Variants in KHDC4 observed in about 807,000 individuals in gnomAD.
KHDC4 encodes the protein KH domain containing 4, pre-mRNA splicing factor.
In KHDC4, 19 loss-of-function variants were observed where a neutral mutation model predicts 74.5. The observed-to-expected ratio is 0.26, with a 90% CI of 0.18 to 0.37. The LOEUF (loss-of-function observed/expected upper bound fraction) is 0.37, where lower values mean the gene tolerates loss of function less well. Ranked by LOEUF, KHDC4 falls within the 10% of genes least tolerant of loss-of-function variation. KHDC4 has a pLI of 1.00. For synonymous variants in KHDC4, 253 were observed against 266.1 expected (o/e 0.95, Z 0.48); for missense variants, 632 against 754.1 (o/e 0.84, Z 1.90).
rs751504873 is a variant in KHDC4 at position 155,916,690 on chromosome 1, C to G, written c.1488G>C (p.Gln496His). 6.2e-7 allele frequency: 1 copy of G among 1,614,042 alleles called. No individual in the cohort carries two copies. Among genetic ancestry groups the G allele is most frequent in the South Asian group, 1.1e-5 (1 of 91,062 alleles). ...TCGATCCTGCACCTTCAATCTCATT[C>G]TGACTGGAGAAGCCTGTACCTAAAT... ...MTNLGTGFSS[Q>H]NEIEGAGSKP... The change falls in exon 12 of 14, where the codon CAG becomes CAC. Residue 496 changes from glutamine to histidine, a missense_variant. Gln to His is a conservative substitution (Grantham distance 24). This residue lies in a region of KHDC4 where 254 missense variants were observed against 267.4 expected (regional missense o/e 0.95). Coordinates refer to ENST00000368321, the MANE Select transcript of KHDC4 (RefSeq NM_014949.4).
At chr1:155,920,103 T>C (rs532399940) in intron 10 of KHDC4, 2 of 347,730 alleles carry the variant, frequency 5.8e-6, no homozygotes, top group African/African-American at 4.4e-5. Context: ...TCCAGATTAT[T>C]ATCCAGACAT....
At chr1:155,916,184 T>C (rs1011700809) in intron 12 of KHDC4, among the ~76,000 whole-genome samples, 1 of 152,144 alleles carries the variant, frequency 6.6e-6, no homozygotes, top group Non-Finnish European at 1.5e-5. Flanking sequence ...TATAGAAAGA[T>C]ATCAGCTCCT....
At chr1:155,933,458 G>T (rs1674186282) in intron 2 of KHDC4, 175 bp downstream of exon 2, 2 of 485,506 alleles carry the variant, frequency 4.1e-6, no homozygotes, top group Non-Finnish European at 7.4e-6. Context: ...ACTAATTTTT[G>T]TATTTTCAGT....
chr1:155,923,517 A>G lies in KHDC4; in HGVS notation c.954+110T>C, dbSNP rs1346810739. On this transcript the variant is annotated intron_variant, in intron 8 of 13. Transcript: ENST00000368321. ...TGTTATTTTAAGCCACCCAACTGCC[A>G]TAACTTGTTATAGCAGTACTAGGAA... 24 of 791,178 alleles carry G rather than the reference A, an allele frequency of 3.0e-5. No individual in the cohort carries two copies. The East Asian group carries it at 5.5e-4, about 18-fold the overall frequency. 49.0% of individuals were successfully genotyped at this position (791,178 alleles called of 1,614,324 possible).
chr1:155,926,790 A>T lies in KHDC4; in HGVS notation c.567T>A (p.Ala189=), dbSNP rs1454497952. 1 of 1,614,192 alleles carries T rather than the reference A, an allele frequency of 6.2e-7. No homozygotes were observed. The highest frequency in any genetic ancestry group is 8.5e-7 in the Non-Finnish European group (1 of 1,180,014). The change falls in exon 6 of 14, where the codon GCT becomes GCA. Residue 189 remains alanine (A), a synonymous_variant. Coordinates refer to ENST00000368321, the MANE Select transcript of KHDC4 (RefSeq NM_014949.4). ...KEIITNGVVK[A]ATGTSPTFNG... is the part of the protein sequence containing the mutation. ...TAAAAGTTGGACTTGTTCCTGTGGCAGCTTTTACCACTCCATTGGTGATAA... is the reference window on the plus strand; with the variant it reads ...TAAAAGTTGGACTTGTTCCTGTGGCTGCTTTTACCACTCCATTGGTGATAA...
At chr1:155,928,391 T>A (rs1674067835) in intron 4 of KHDC4, among the ~76,000 whole-genome samples, 1 of 151,930 alleles carries the variant, frequency 6.6e-6, no homozygotes, top group Non-Finnish European at 1.5e-5. Flanking sequence ...AATAAATAAA[T>A]AAATAAATTC....
In KHDC4 at chr1:155,921,987, A is replaced by G. The variant is rs868294890; in HGVS notation, c.955-69T>C. 4 of 944,626 alleles carry G rather than the reference A, an allele frequency of 4.2e-6. No individual in the cohort carries two copies. In the South Asian group the frequency reaches 5.8e-5, roughly 14 times the overall value. The allele number at this position is 944,626 out of a possible 1,614,324, so 58.5% of individuals were successfully genotyped here. A position where few individuals can be genotyped will look rare whatever the true frequency, so the allele number is the denominator to read the frequency against. ...TGTGCATTTACAAGGGTCTGATTAC[A>G]TAATTCTAGGACCAAAGCCATTAGG... is the stretch of plus-strand genomic sequence containing the variant. On this transcript the variant is annotated intron_variant, in intron 8 of 13. Coordinates refer to ENST00000368321, the MANE Select transcript of KHDC4 (RefSeq NM_014949.4).
Position 155,916,715 on chromosome 1 carries a change from T to C in KHDC4, c.1463A>G (p.Asn488Ser). ...GYQHGPIHMT[N>S]LGTGFSSQNE... ...CTGACTGGAGAAGCCTGTACCTAAA[T>C]TAGTCATATGAATGGGTCCATGCTA... The change falls in exon 12 of 14, where the codon AAT becomes AGT. Residue 488 changes from asparagine to serine, a missense_variant. By Grantham distance (46) the Asn-to-Ser change is conservative. This residue lies in a region of KHDC4 where 254 missense variants were observed against 267.4 expected (regional missense o/e 0.95). Coordinates refer to ENST00000368321, the MANE Select transcript of KHDC4 (RefSeq NM_014949.4). The C allele has an allele frequency of 6.2e-7, 1 of 1,613,682 alleles. No homozygotes were observed. Among genetic ancestry groups the C allele is most frequent in the Non-Finnish European group, 8.5e-7 (1 of 1,179,800 alleles).
intron 10 of KHDC4, among the ~76,000 whole-genome samples, chr1:155,919,411 T>C (rs1315174964): frequency 6.6e-6 from 1 of 152,124 alleles, no homozygotes; most frequent in East Asian, 1.9e-4. Flanking sequence ...CCTGTAATCC[T>C]TGCACCATAA....
At chr1:155,918,673 T>C (rs1284851169) in intron 10 of KHDC4, among the ~76,000 whole-genome samples, 1 of 151,776 alleles carries the variant, frequency 6.6e-6, no homozygotes. Flanking sequence ...TGTATCTAAA[T>C]GTAGAAAAGG....
intron 7 of KHDC4, among the ~76,000 whole-genome samples, chr1:155,924,625 G>C (rs1673943297): frequency 6.7e-6 from 1 of 148,714 alleles, no homozygotes. Context: ...CCAGGCTGGA[G>C]TGCAATGGAG....
chr1:155,933,925 C>T, intron 1 of KHDC4, 76 bp from the exon 2 acceptor site: 1 of 1,156,322 alleles, frequency 8.6e-7, no homozygotes, highest in Non-Finnish European at 1.2e-6. Context: ...CGCCTTAGCA[C>T]CCCATTTTCC....
At chr1:155,925,881 A>G (rs1472926500) in intron 6 of KHDC4, 38 bp from the exon 7 acceptor site, 1 of 1,421,926 alleles carries the variant, frequency 7.0e-7, no homozygotes, top group South Asian at 1.2e-5. Flanking sequence ...TAAACAGAAT[A>G]TATAATTAAA....
intron 7 of KHDC4, 89 bp downstream of exon 7, chr1:155,925,543 C>T: frequency 1.1e-6 from 1 of 936,950 alleles, no homozygotes; most frequent in East Asian, 2.4e-5. Flanking sequence ...TTAATTACAC[C>T]CAGTTTTCTC....
At chr1:155,926,439 C>T in intron 6 of KHDC4, 2 of 467,696 alleles carry the variant, frequency 4.3e-6, no homozygotes, top group South Asian at 2.0e-5. Context: ...AAGCAATTCT[C>T]CTGCCTCAGC....
intron 2 of KHDC4, among the ~76,000 whole-genome samples, chr1:155,930,162 C>G (rs1674110989): frequency 1.3e-5 from 2 of 152,204 alleles, no homozygotes; most frequent in Non-Finnish European, 1.5e-5. Flanking sequence ...ATCCACCTAC[C>G]TCGGCCTCCC....
At chr1:155,933,207 C>T (rs556101920) in intron 2 of KHDC4, among the ~76,000 whole-genome samples, 12 of 152,126 alleles carry the variant, frequency 7.9e-5, no homozygotes, top group Middle Eastern at 3.2e-3. Context: ...CTGGAACATT[C>T]CAAAACTAAA....
Position 155,917,490 on chromosome 1 carries a change from T to C in KHDC4, c.1440+9A>G. On this transcript the variant is annotated intron_variant, in intron 11 of 13. Transcript: ENST00000368321. ...GGTGAAGATAGGAAAACAGGGTATT[T>C]TATTTAACCTGGTATCCAAGCAGTC... The C allele has an allele frequency of 6.2e-7, 1 of 1,607,218 alleles. No homozygotes were observed. The highest frequency in any genetic ancestry group is 8.5e-7 in the Non-Finnish European group (1 of 1,174,102).
In KHDC4 at chr1:155,934,411, A is replaced by C. The variant is rs772410820; in HGVS notation, c.-38T>G. 2.5e-6 allele frequency: 4 copies of C among 1,607,866 alleles called. No homozygotes were observed. The highest frequency in any genetic ancestry group is 3.4e-6 in the Non-Finnish European group (4 of 1,177,194). ...TACTCAACCACCCGCCAACTATCCG[A>C]CTACCACCTCTCGTCACTTCCGCCC... On this transcript the variant is annotated 5_prime_UTR_variant, in exon 1 of 14. Coordinates refer to ENST00000368321, the MANE Select transcript of KHDC4 (RefSeq NM_014949.4).
Sources: allele counts gnomAD v4.1 joint callset (sites outside exome capture counted in the v4.1 genomes callset), GRCh38; gene constraint gnomAD v4.1.1; regional missense constraint gnomAD v4.1.1; transcripts MANE v1.5; gene names NCBI Gene and HGNC (gene_info 2026-07-23, HGNC 2026-07-21).